CFAP44: variants seen among roughly 807,000 people sequenced by gnomAD.
CFAP44 encodes the protein cilia- and flagella-associated protein 44.
In CFAP44, 134 loss-of-function variants were observed where a neutral mutation model predicts 216.2. That is an observed-to-expected ratio of 0.62 (90% CI 0.54 to 0.72). CFAP44 has a LOEUF of 0.72. Ranked by LOEUF, CFAP44 falls within the 30% of genes least tolerant of loss-of-function variation. The pLI, the probability that CFAP44 is intolerant of heterozygous loss-of-function variation, is 0.00. For missense variants in CFAP44, 2,035 were observed against 2,182.1 expected (o/e 0.93, Z 1.34); for synonymous variants, 700 against 727.6 (o/e 0.96, Z 0.61).
At chr3:113,434,439 T>C (rs1317843652) in intron 1 of CFAP44, 1 of 152,186 alleles carries the variant, frequency 6.6e-6, no homozygotes, top group African/African-American at 2.4e-5. Flanking sequence ...GTGGGTACCA[T>C]ATCATAAAGT....
intron 18 of CFAP44, among the ~76,000 whole-genome samples, chr3:113,370,420 T>C (rs1334340777): frequency 6.6e-6 from 1 of 152,140 alleles, no homozygotes; most frequent in Non-Finnish European, 1.5e-5. Context: ...GCAAGGCTGG[T>C]TCAACATACA....
chr3:113,391,628 G>C (rs1933842330), intron 15 of CFAP44, among the ~76,000 whole-genome samples: 1 of 152,044 alleles, frequency 6.6e-6, no homozygotes, highest in Non-Finnish European at 1.5e-5. Context: ...CACAGAATGA[G>C]AGAAAATATT....
intron 21 of CFAP44, 77 bp downstream of exon 21, chr3:113,363,068 T>C (rs944103057): frequency 2.0e-5 from 28 of 1,425,952 alleles, no homozygotes; most frequent in Non-Finnish European, 2.3e-5. Flanking sequence ...TAAGTGTTTC[T>C]ACTTGTTGGG....
At chr3:113,388,226 G>C (rs1933703534) in intron 15 of CFAP44, among the ~76,000 whole-genome samples, 1 of 152,044 alleles carries the variant, frequency 6.6e-6, no homozygotes, top group Non-Finnish European at 1.5e-5. Flanking sequence ...ACAGGCCTTG[G>C]GCAAGACTCG....
intron 29 of CFAP44, 34 bp downstream of exon 29, chr3:113,308,124 C>G: frequency 6.7e-7 from 1 of 1,486,674 alleles, no homozygotes; most frequent in Non-Finnish European, 9.0e-7. Flanking sequence ...AATATTCACA[C>G]TTCACAGAGA....
intron 18 of CFAP44, among the ~76,000 whole-genome samples, chr3:113,370,010 C>T (rs553406616): frequency 1.3e-5 from 2 of 152,146 alleles, no homozygotes; most frequent in South Asian, 2.1e-4. Flanking sequence ...GACACATACA[C>T]CCTCCCAAGA....
At chr3:113,407,185 T>C in intron 7 of CFAP44, 144 bp from the exon 8 acceptor site, 3 of 695,026 alleles carry the variant, frequency 4.3e-6, no homozygotes, top group Non-Finnish European at 2.4e-6. Flanking sequence ...TTATTAAGTA[T>C]CTACTACCTG....
rs113293038 is a variant in CFAP44, at chr3:113,308,268, T to A, written c.4517A>T (p.Asp1506Val). 2.4e-5 allele frequency: 37 copies of A among 1,527,600 alleles called. No homozygotes were observed. Among genetic ancestry groups the A allele is most frequent in the African/African-American group, 2.2e-4 (16 of 72,634 alleles). The allele number at this position is 1,527,600 out of a possible 1,614,324, so 94.6% of individuals were successfully genotyped here. The change falls in exon 29 of 35, where the codon GAT (aspartate) becomes GTT (valine). Residue 1506 changes from aspartate (D) to valine (V), a missense_variant and splice_region_variant. Around this residue, in one of 3 missense-constraint regions of CFAP44, gnomAD observed 1,883 missense variants for 2,023.7 expected, o/e 0.93. Coordinates refer to ENST00000393845, the MANE Select transcript of CFAP44 (RefSeq NM_001164496.2). ...VKKKEVEGDADEDEESEESSE... is the reference protein window; with the variant it reads ...VKKKEVEGDAVEDEESEESSE... ...TGATTCCTCACTCTCCTCATCTTCA[T>A]CTATGGAAAGAGGAGGGCATTGTTA... is the stretch of plus-strand genomic sequence containing the variant.
chr3:113,307,835 G>A (rs1319388939), intron 29 of CFAP44, among the ~76,000 whole-genome samples: 7 of 151,974 alleles, frequency 4.6e-5, no homozygotes, highest in Admixed American at 1.3e-4. Context: ...AAAAAATTAG[G>A]TGGGCGTGAT....
chr3:113,366,009 TATTA>T lies in CFAP44; in HGVS notation c.2715+26_2715+29del, dbSNP rs759652204. ...ATCACTATTTTTAAATACAGTTTGT[TATTA>T]ATTAACTGGTTAATTAATTACATAC... On this transcript the variant is annotated intron_variant, in intron 19 of 34. Coordinates refer to ENST00000393845, the MANE Select transcript of CFAP44 (RefSeq NM_001164496.2). 6 of 1,562,468 alleles carry T rather than the reference TATTA, an allele frequency of 3.8e-6. No homozygotes were observed. The South Asian group carries it at 7.2e-5, about 19-fold the overall frequency.
chr3:113,330,688 G>A lies in CFAP44; in HGVS notation c.3616-20C>T. 6.6e-7 allele frequency: 1 copy of A among 1,519,954 alleles called. No individual in the cohort carries two copies. The highest frequency in any genetic ancestry group is 8.8e-7 in the Non-Finnish European group (1 of 1,140,222). 94.2% of individuals were successfully genotyped at this position (1,519,954 alleles called of 1,614,324 possible). On this transcript the variant is annotated intron_variant, in intron 25 of 34. Transcript: ENST00000393845. Reference sequence around the variant, plus strand: ...ATGGACCTGAAAAAAAGAAGAGGAAGGAAACAACAGTACAACCCTCTGACA... The same window carrying A: ...ATGGACCTGAAAAAAAGAAGAGGAAAGAAACAACAGTACAACCCTCTGACA...
intron 32 of CFAP44, among the ~76,000 whole-genome samples, chr3:113,301,307 C>T (rs1949932618): frequency 1.3e-5 from 2 of 151,672 alleles, no homozygotes; most frequent in Non-Finnish European, 2.9e-5. Context: ...GTAAATATAA[C>T]TTTTTTTTAA....
chr3:113,427,154 G>A (rs1229420473), intron 3 of CFAP44, 33 bp downstream of exon 3: 4 of 1,597,982 alleles, frequency 2.5e-6, no homozygotes, highest in Admixed American at 1.8e-5. Flanking sequence ...CTAAAACAGT[G>A]ACAATTACTG....
At chr3:113,304,577 G>T (rs1949967950) in intron 31 of CFAP44, among the ~76,000 whole-genome samples, 1 of 152,072 alleles carries the variant, frequency 6.6e-6, no homozygotes, top group African/African-American at 2.4e-5. Flanking sequence ...AATATAAGTT[G>T]CAATTCAAAT....
chr3:113,365,667 T>A (rs1413967620), intron 19 of CFAP44, among the ~76,000 whole-genome samples: 1 of 152,130 alleles, frequency 6.6e-6, no homozygotes, highest in African/African-American at 2.4e-5. Flanking sequence ...ATGGCATATG[T>A]CCTATATCAG....
At position 113,330,472 on chromosome 3, in the gene CFAP44, T is replaced by C. The variant is rs1950230665; in HGVS notation, c.3812A>G (p.Tyr1271Cys). ...PEEVPEKRFQ[Y>C]DEETLLNFKQ... ...AAAATTTAGGAGAGTTTCTTCATCA[T>C]ACTGAAATCTCTTTTCTGGAACTTC... Residue 1271 changes from tyrosine to cysteine, a missense_variant, in exon 26 of 35, where the codon TAT becomes TGT. By Grantham distance (194) the Tyr-to-Cys change is radical. Transcript: ENST00000393845. 2.0e-6 allele frequency: 3 copies of C among 1,537,270 alleles called. No individual in the cohort carries two copies. The highest frequency in any genetic ancestry group is 2.6e-6 in the Non-Finnish European group (3 of 1,146,884).
At chr3:113,410,339 C>T (rs899553556) in intron 6 of CFAP44, among the ~76,000 whole-genome samples, 2 of 152,124 alleles carry the variant, frequency 1.3e-5, no homozygotes, top group African/African-American at 4.8e-5. Flanking sequence ...TGATGTTCCC[C>T]TTCCTGTGTC....
intron 24 of CFAP44, among the ~76,000 whole-genome samples, chr3:113,338,189 G>A (rs148761833): frequency 6.8e-5 from 10 of 147,652 alleles, no homozygotes; most frequent in South Asian, 4.3e-4. Flanking sequence ...CCCAGGAGGC[G>A]GAGTTTGCAG....
intron 22 of CFAP44, among the ~76,000 whole-genome samples, chr3:113,357,653 T>A (rs1950503473): frequency 6.6e-6 from 1 of 152,176 alleles, no homozygotes. Context: ...TTTAAGCCAA[T>A]CAGTTTGTAG....
Sources: gnomAD v4.1 joint callset for allele counts (sites outside exome capture counted in the v4.1 genomes callset) on GRCh38, gnomAD v4.1.1 for gene constraint, gnomAD v4.1.1 regional missense constraint, MANE v1.5 for transcripts, NCBI Gene and HGNC (gene_info 2026-07-23, HGNC 2026-07-21) for gene names.